CUX1: variants seen among roughly 807,000 people sequenced by gnomAD.
The protein encoded by CUX1 is protein CASP.
Under a neutral mutation model 158.8 loss-of-function variants are expected in CUX1, and 31 were observed. That is an observed-to-expected ratio of 0.20 (90% CI 0.15 to 0.26). The LOEUF (loss-of-function observed/expected upper bound fraction) is 0.26, where lower values mean the gene tolerates loss of function less well. Ranked by LOEUF, CUX1 falls within the 10% of genes least tolerant of loss-of-function variation. The pLI is 1.00. For synonymous variants in CUX1, 879 were observed against 862.1 expected, an observed-to-expected ratio of 1.02 and a Z score of -0.34; for missense variants, 1,589 against 2,014.6, an observed-to-expected ratio of 0.79 and a Z score of 4.04.
At chr7:101,874,993 C>T (rs545543053) in intron 1 of CUX1, among the ~76,000 whole-genome samples, 23 of 152,090 alleles carry the variant, frequency 1.5e-4, no homozygotes, top group Non-Finnish European at 2.6e-4. Flanking sequence ...GCGCGCTGGC[C>T]GCAAGCCTAT....
intron 1 of CUX1, among the ~76,000 whole-genome samples, chr7:101,878,480 G>A (rs1413082276): frequency 1.3e-5 from 2 of 152,214 alleles, no homozygotes; most frequent in Non-Finnish European, 2.9e-5. Context: ...GAATGTCGTA[G>A]TAGCCGGCCC....
chr7:102,126,126 G>A (rs2131253615), intron 8 of CUX1, among the ~76,000 whole-genome samples: 1 of 151,798 alleles, frequency 6.6e-6, no homozygotes, highest in East Asian at 1.9e-4. Flanking sequence ...CGATTCTCCA[G>A]CCTCAGCCTC....
chr7:101,991,056 G>A (rs1271758282), intron 2 of CUX1, among the ~76,000 whole-genome samples: 1 of 152,178 alleles, frequency 6.6e-6, no homozygotes, highest in Non-Finnish European at 1.5e-5. Flanking sequence ...CAGGTGGCTT[G>A]TCAGGTCAGC....
At chr7:102,228,929 TG>T (rs1798645749) in intron 21 of CUX1, among the ~76,000 whole-genome samples, 1 of 152,214 alleles carries the variant, frequency 6.6e-6, no homozygotes, top group African/African-American at 2.4e-5. Context: ...CTCTGCTCAC[TG>T]AGTCCGTGAT....
chr7:102,104,792 T>C (rs782522106), intron 6 of CUX1, among the ~76,000 whole-genome samples: 8 of 152,076 alleles, frequency 5.3e-5, no homozygotes, highest in Non-Finnish European at 1.0e-4. Flanking sequence ...CTACTTAGGC[T>C]GAGGCAGGAG....
chr7:101,893,887 C>T (rs181528234), intron 1 of CUX1, among the ~76,000 whole-genome samples: 51 of 152,142 alleles, frequency 3.4e-4, no homozygotes, highest in Non-Finnish European at 6.8e-4. Flanking sequence ...GTGATTTATA[C>T]GGCATTAAAA....
intron 2 of CUX1, among the ~76,000 whole-genome samples, chr7:101,942,059 C>T (rs2129140198): frequency 6.6e-6 from 1 of 152,220 alleles, no homozygotes; most frequent in South Asian, 2.1e-4. Context: ...AGAAATGTAC[C>T]CAGCTTCTGT....
Position 102,197,063 on chromosome 7 carries a change from T to C in CUX1, c.1652T>C (p.Met551Thr). The C allele has an allele frequency of 6.2e-7, 1 of 1,614,216 alleles. No homozygotes were observed. The highest frequency in any genetic ancestry group is 8.5e-7 in the Non-Finnish European group (1 of 1,180,044). ...GGGAGCGTCTCCGAGGGCGAGGAGA[T>C]GGACACTGCAGAAATCGCCCGGCAG... The part of the protein sequence containing the change: ...SAGSVSEGEE[M>T]DTAEIARQVK... Residue 551 changes from methionine (M) to threonine (T), a missense_variant, in exon 15 of 24, where the codon ATG becomes ACG. Met to Thr is a moderately conservative substitution (Grantham distance 81, BLOSUM62 -1). Coordinates refer to ENST00000292535, the MANE Select transcript of CUX1 (RefSeq NM_181552.4).
intron 1 of CUX1, among the ~76,000 whole-genome samples, chr7:101,864,962 A>G (rs376898860): frequency 4.6e-5 from 7 of 152,262 alleles, no homozygotes; most frequent in African/African-American, 1.7e-4. Flanking sequence ...AAAGTAAAAA[A>G]GGGAAATACT....
At chr7:102,157,041 A>AG (rs782008813) in intron 8 of CUX1, among the ~76,000 whole-genome samples, 18 of 152,224 alleles carry the variant, frequency 1.2e-4, no homozygotes, top group Non-Finnish European at 2.5e-4. Context: ...GCATTCAGGC[A>AG]GGCGGCGCAG....
intron 4 of CUX1, among the ~76,000 whole-genome samples, chr7:102,081,741 T>G (rs1372770075): frequency 2.7e-5 from 4 of 146,438 alleles, no homozygotes; most frequent in African/African-American, 9.8e-5. Flanking sequence ...CAAGCGATTC[T>G]CCTCCCTCAG....
intron 1 of CUX1, among the ~76,000 whole-genome samples, chr7:101,862,713 G>A (rs1270761854): frequency 2.6e-5 from 4 of 152,122 alleles, no homozygotes; most frequent in African/African-American, 7.2e-5. Context: ...TCATCATCAG[G>A]CTCGTTGTGG....
chr7:101,921,603 C>G (rs780550344), intron 2 of CUX1, among the ~76,000 whole-genome samples: 2 of 151,950 alleles, frequency 1.3e-5, no homozygotes, highest in Non-Finnish European at 2.9e-5. Flanking sequence ...TGGAATTACA[C>G]GTACCCGTCA....
Position 101,942,230 on chromosome 7 carries a change from G to A in CUX1, c.141+26005G>A, listed in dbSNP as rs569982167. The stretch of plus-strand genomic sequence containing the variant: ...CTAACAGGGTGGAGTATCATAGCCA[G>A]GACAGGAAAATTCCCAGCAGGGAAA... On this transcript the variant is annotated intron_variant, in intron 2 of 23. Transcript: ENST00000292535. Among the ~76,000 whole-genome samples, 11 of 152,326 alleles carry A rather than the reference G, an allele frequency of 7.2e-5. 1 individual carries two copies. Among genetic ancestry groups the A allele is most frequent in the Middle Eastern group, 3.4e-3 (1 of 294 alleles).
intron 2 of CUX1, among the ~76,000 whole-genome samples, chr7:101,940,949 C>A (rs996580120): frequency 6.6e-6 from 1 of 152,228 alleles, no homozygotes; most frequent in Admixed American, 6.5e-5. Flanking sequence ...ATTAGCGAGG[C>A]CAGCCCCTTC....
chr7:101,949,280 C>T (rs1038723665), intron 2 of CUX1, among the ~76,000 whole-genome samples: 9 of 151,780 alleles, frequency 5.9e-5, no homozygotes, highest in South Asian at 2.1e-4. Flanking sequence ...TACAGGCGCC[C>T]GCCACCACGC....
intron 8 of CUX1, among the ~76,000 whole-genome samples, chr7:102,151,615 A>G (rs1358819675): frequency 6.6e-6 from 1 of 150,644 alleles, no homozygotes; most frequent in African/African-American, 2.4e-5. Flanking sequence ...AATTCCAGCT[A>G]CTTGGGAGAG....
intron 3 of CUX1, 24 bp downstream of exon 3, chr7:102,028,169 A>G (rs1465648061): frequency 6.2e-7 from 1 of 1,612,760 alleles, no homozygotes. Context: ...TTCATTTTCT[A>G]TCCTGAGCCA....
chr7:101,985,139 A>G (rs1028067873), intron 2 of CUX1, among the ~76,000 whole-genome samples: 3 of 152,178 alleles, frequency 2.0e-5, no homozygotes, highest in Non-Finnish European at 2.9e-5. Flanking sequence ...GCTAGCTATA[A>G]TTTGCCCTCT....
Sources: allele counts gnomAD v4.1 joint callset (sites outside exome capture counted in the v4.1 genomes callset), GRCh38; gene constraint gnomAD v4.1.1; transcripts MANE v1.5; gene names NCBI Gene and HGNC (gene_info 2026-07-23, HGNC 2026-07-21).